ASPM: variants seen among roughly 807,000 people sequenced by gnomAD.
The protein encoded by ASPM is assembly factor for spindle microtubules, also known as abnormal spindle-like microcephaly-associated protein.
A neutral mutation model predicts 366.4 loss-of-function variants in ASPM; 256 were observed. The observed-to-expected ratio is 0.70, with a 90% CI of 0.63 to 0.77. The LOEUF is 0.77. ASPM is among the 30% of genes least tolerant of loss of function. ASPM has a pLI of 0.00. For synonymous variants in ASPM, 1,414 were observed against 1,342.9 expected (o/e 1.05, Z -1.16); for missense variants, 4,146 against 4,090.4 (o/e 1.01, Z -0.37).
rs772515561 is a variant in ASPM at position 197,104,699 on chromosome 1, G to A, written c.4552C>T (p.Gln1518Ter). The A allele has an allele frequency of 6.2e-7, 1 of 1,612,832 alleles. No homozygotes were observed. Among genetic ancestry groups the A allele is most frequent in the Non-Finnish European group, 8.5e-7 (1 of 1,179,298 alleles). Residue 1518 changes from glutamine to a stop codon, truncating the protein, a stop_gained, in exon 18 of 28, where the codon CAG becomes TAG. Coordinates refer to ENST00000367409, the MANE Select transcript of ASPM (RefSeq NM_018136.5). LOFTEE classifies it high-confidence loss of function. ...TTCAGATATGCTTTGTAGTACTTCT[G>A]GATGGTTAGTATGGACTCTTTTCTT... ...KRRKESILTIQKYYKAYLKGK... is the reference protein window; with the variant it reads ...KRRKESILTI
At position 197,125,108 on chromosome 1, in the gene ASPM, T is replaced by C; in HGVS notation, c.3020A>G (p.His1007Arg). The C allele has an allele frequency of 6.2e-7, 1 of 1,614,080 alleles. No homozygotes were observed. Among genetic ancestry groups the C allele is most frequent in the Non-Finnish European group, 8.5e-7 (1 of 1,179,958 alleles). Residue 1007 changes from histidine (H) to arginine (R), a missense_variant, in exon 11 of 28, where the codon CAC (histidine) becomes CGC (arginine). His to Arg is a conservative substitution (Grantham distance 29). Transcript: ENST00000367409. Reference protein sequence around the residue: ...IPAISRLQKMHNVDIVLQVLK... With the variant: ...IPAISRLQKMRNVDIVLQVLK... The stretch of plus-strand genomic sequence containing the variant: ...AACTTGAAGAACAATGTCAACATTG[T>C]GCATCTTTTGAAGACGACTTATTGC...
chr1:197,093,170 A>G lies in ASPM; in HGVS notation c.9176T>C (p.Ile3059Thr), dbSNP rs759052633. The G allele has an allele frequency of 2.5e-6, 4 of 1,612,432 alleles. 1 individual carries two copies. In the Admixed American group the frequency reaches 6.7e-5, roughly 27 times the overall value. The change falls in exon 21 of 28, where the codon ATA becomes ACA. Residue 3059 changes from isoleucine (I) to threonine (T), a missense_variant. Coordinates refer to ENST00000367409, the MANE Select transcript of ASPM (RefSeq NM_018136.5). ...FLRQKSAALI[I>T]QKYIRAREAG... ...CTCCCTGGCTCGTATATATTTTTGT[A>G]TGATCAAAGCAGCAGATTTCTGCCG...
chr1:197,099,374 A>G (rs559424340), intron 18 of ASPM, among the ~76,000 whole-genome samples: 6 of 151,688 alleles, frequency 4.0e-5, no homozygotes, highest in East Asian at 1.9e-4. Context: ...ACCTGGTCCC[A>G]TATCACTTTT....
At chr1:197,134,337 G>C (rs537103001) in intron 5 of ASPM, among the ~76,000 whole-genome samples, 2 of 151,970 alleles carry the variant, frequency 1.3e-5, no homozygotes, top group Admixed American at 1.3e-4. Context: ...GCTTGAGCCT[G>C]GGAAGTGGAG....
chr1:197,128,364 AT>A (rs1195520105), intron 10 of ASPM, 125 bp downstream of exon 10: 3 of 995,968 alleles, frequency 3.0e-6, no homozygotes, highest in Non-Finnish European at 4.5e-6. Context: ...AAAAACCTCA[AT>A]TTTTTTCAGT....
Position 197,093,195 on chromosome 1 carries a change from GAAGA to G in ASPM, c.9147_9150del (p.Leu3050GlyfsTer7). 1 of 1,612,530 alleles carries G rather than the reference GAAGA, an allele frequency of 6.2e-7. No individual in the cohort carries two copies. Among genetic ancestry groups the G allele is most frequent in the Non-Finnish European group, 8.5e-7 (1 of 1,178,974 alleles). The stretch of plus-strand genomic sequence containing the variant: ...ATGATCAAAGCAGCAGATTTCTGCC[GAAGA>G]AAGACCTGCCTTCCTTTATATCCTC... On this transcript the variant is annotated frameshift_variant, in exon 21 of 28. Transcript: ENST00000367409. LOFTEE classifies it high-confidence loss of function.
chr1:197,098,685 A>C (rs914269624), intron 18 of ASPM, among the ~76,000 whole-genome samples: 1 of 150,512 alleles, frequency 6.6e-6, no homozygotes, highest in Admixed American at 6.6e-5. Context: ...CCCTCTTAAC[A>C]CCTTGTTGGC....
rs1657985182 is a variant in ASPM, at chr1:197,123,608, TTC to T, written c.3390+500_3390+501del. Reference sequence around the variant, plus strand: ...AGCTATACATACTGTGTATCACTGTTTCTGTCTTATATTTATTACCAGATAGT... The same window carrying T: ...AGCTATACATACTGTGTATCACTGTTTGTCTTATATTTATTACCAGATAGT... On this transcript the variant is annotated intron_variant, in intron 13 of 27. Coordinates refer to ENST00000367409, the MANE Select transcript of ASPM (RefSeq NM_018136.5). 2.0e-5 allele frequency among the ~76,000 whole-genome samples: 3 copies of T among 152,284 alleles called. No homozygotes were observed. In the South Asian group the frequency reaches 6.2e-4, roughly 32 times the overall value.
rs779132724 is a variant in ASPM, at chr1:197,143,275, T to G, written c.977A>C (p.His326Pro). The change falls in exon 3 of 28, where the codon CAT becomes CCT. Residue 326 changes from histidine to proline, a missense_variant. His to Pro is a moderately conservative substitution (Grantham distance 77, BLOSUM62 -2). Coordinates refer to ENST00000367409, the MANE Select transcript of ASPM (RefSeq NM_018136.5). Reference sequence around the variant, plus strand: ...TAATTCTAGTTCATTATTAGCTCCATGACTATTATTTACAAAAGAATCTGG... The same window carrying G: ...TAATTCTAGTTCATTATTAGCTCCAGGACTATTATTTACAAAAGAATCTGG... ...LSPDSFVNNS[H>P]GANNELELVT... 22 of 1,613,076 alleles carry G rather than the reference T, an allele frequency of 1.4e-5. No individual in the cohort carries two copies. The highest frequency in any genetic ancestry group is 8.3e-5 in the Admixed American group (5 of 59,990).
Position 197,084,431 on chromosome 1 carries a change from TAA to T in ASPM, c.10332-7_10332-6del, listed in dbSNP as rs200839523. The T allele has an allele frequency of 2.0e-3, 2,830 of 1,395,786 alleles. No individual in the cohort carries two copies. Among genetic ancestry groups the T allele is most frequent in the Non-Finnish European group, 2.2e-3 (2,223 of 1,008,018 alleles). The allele number at this position is 1,395,786 out of a possible 1,614,324, so 86.5% of individuals were successfully genotyped here. A position where few individuals can be genotyped will look rare whatever the true frequency, so the allele number is the denominator to read the frequency against. On this transcript the variant is annotated splice_polypyrimidine_tract_variant and splice_region_variant and intron_variant, in intron 27 of 27. Coordinates refer to ENST00000367409, the MANE Select transcript of ASPM (RefSeq NM_018136.5). The stretch of plus-strand genomic sequence containing the variant: ...AAAACCCAATCTGGCTTAAGTCTGT[TAA>T]AAAAAAAAAAAAAGTCTGGCATTAA...
At position 197,084,364 on chromosome 1, in the gene ASPM, G is replaced by C. The variant is rs748079523; in HGVS notation, c.10394C>G (p.Ala3465Gly). The C allele has an allele frequency of 6.2e-7, 1 of 1,612,328 alleles. No individual in the cohort carries two copies. Among genetic ancestry groups the C allele is most frequent in the East Asian group, 2.2e-5 (1 of 44,782 alleles). Residue 3465 changes from alanine (A) to glycine (G), a missense_variant, in exon 28 of 28, where the codon GCT (alanine) becomes GGT (glycine). Coordinates refer to ENST00000367409, the MANE Select transcript of ASPM (RefSeq NM_018136.5). Reference protein sequence around the residue: ...NMEEITNPLQAIQMVMDTLGI... With the variant: ...NMEEITNPLQGIQMVMDTLGI... ...AAGCGTATCCATCACCATTTGAATA[G>C]CTTGCAGGGGATTTGTGATTTCTTC...
intron 1 of ASPM, among the ~76,000 whole-genome samples, chr1:197,145,293 G>T (rs1474457072): frequency 1.3e-5 from 2 of 152,142 alleles, no homozygotes; most frequent in Non-Finnish European, 2.9e-5. Context: ...AAGGGGATTG[G>T]AGCATTACTC....
At chr1:197,119,721 T>C (rs1571613120) in intron 16 of ASPM, among the ~76,000 whole-genome samples, 2 of 152,152 alleles carry the variant, frequency 1.3e-5, no homozygotes, top group East Asian at 3.8e-4. Context: ...ATTCTAGGAC[T>C]TCTTTTGCTT....
At position 197,143,147 on chromosome 1, in the gene ASPM, C is replaced by A; in HGVS notation, c.1105G>T (p.Asp369Tyr). Reference sequence around the variant, plus strand: ...CCATAATTATCTTTTATGAAAGAATCTGGACTTAAAATTTTCTGATAAATT... The same window carrying A: ...CCATAATTATCTTTTATGAAAGAATATGGACTTAAAATTTTCTGATAAATT... ...HEIYQKILSP[D>Y]SFIKDNYGLN... Residue 369 changes from aspartate (D) to tyrosine (Y), a missense_variant, in exon 3 of 28, where the codon GAT becomes TAT. By Grantham distance (160) the Asp-to-Tyr change is radical (BLOSUM62 -3). Around this residue, in one of 3 missense-constraint regions of ASPM, gnomAD observed 512 missense variants for 471.7 expected, o/e 1.09. Transcript: ENST00000367409. The A allele has an allele frequency of 1.2e-6, 2 of 1,613,188 alleles. No homozygotes were observed. Among genetic ancestry groups the A allele is most frequent in the Non-Finnish European group, 1.7e-6 (2 of 1,179,344 alleles).
intron 1 of ASPM, among the ~76,000 whole-genome samples, chr1:197,145,876 C>A (rs1474872251): frequency 6.8e-6 from 1 of 147,880 alleles, no homozygotes; most frequent in Non-Finnish European, 1.5e-5. Context: ...ATAATATTGA[C>A]ACATATATAT....
intron 19 of ASPM, among the ~76,000 whole-genome samples, chr1:197,095,582 G>A (rs912307227): frequency 9.9e-5 from 15 of 151,608 alleles, no homozygotes; most frequent in African/African-American, 3.6e-4. Flanking sequence ...AAGAGTATGA[G>A]GAATAATACA....
In ASPM at chr1:197,100,768, A is replaced by G. The variant is rs886043946; in HGVS notation, c.8483T>C (p.Met2828Thr). Reference protein sequence around the residue: ...AVTIQKAFCRMVTRKLETQKC... With the variant: ...AVTIQKAFCRTVTRKLETQKC... Reference sequence around the variant, plus strand: ...CTGTGTTTCCAGTTTTCTTGTGACCATTCTACAAAAAGCTTTTTGAATTGT... The same window carrying G: ...CTGTGTTTCCAGTTTTCTTGTGACCGTTCTACAAAAAGCTTTTTGAATTGT... Residue 2828 changes from methionine (M) to threonine (T), a missense_variant, in exon 18 of 28, where the codon ATG becomes ACG. By Grantham distance (81) the Met-to-Thr change is moderately conservative. Transcript: ENST00000367409. 1 of 1,612,446 alleles carries G rather than the reference A, an allele frequency of 6.2e-7. No individual in the cohort carries two copies. The highest frequency in any genetic ancestry group is 1.7e-5 in the Admixed American group (1 of 59,746).
chr1:197,125,031 C>G lies in ASPM; in HGVS notation c.3082+15G>C. The G allele has an allele frequency of 1.2e-6, 2 of 1,613,396 alleles. No individual in the cohort carries two copies. The highest frequency in any genetic ancestry group is 1.7e-6 in the Non-Finnish European group (2 of 1,179,456). On this transcript the variant is annotated intron_variant, in intron 11 of 27. Coordinates refer to ENST00000367409, the MANE Select transcript of ASPM (RefSeq NM_018136.5). ...TCAGTGAGGAGAATAAGTTTTACCT[C>G]TACTCAGTTTTTACCATGCTCATCA... is the stretch of plus-strand genomic sequence containing the variant.
chr1:197,102,707 C>G lies in ASPM; in HGVS notation c.6544G>C (p.Val2182Leu), dbSNP rs1657238192. ...VLQASFRGVR[V>L]RRTLRKMQTA... ...TGCATCTTTCTAAGAGTCCGTCTAA[C>G]TCTTACTCCTCTAAAACTTGCCTGA... is the stretch of plus-strand genomic sequence containing the variant. Residue 2182 changes from valine to leucine, a missense_variant, in exon 18 of 28, where the codon GTT (valine) becomes CTT (leucine). Coordinates refer to ENST00000367409, the MANE Select transcript of ASPM (RefSeq NM_018136.5). 1 of 1,612,686 alleles carries G rather than the reference C, an allele frequency of 6.2e-7. No homozygotes were observed. Among genetic ancestry groups the G allele is most frequent in the Non-Finnish European group, 8.5e-7 (1 of 1,179,264 alleles).
Sources: allele counts gnomAD v4.1 joint callset (sites outside exome capture counted in the v4.1 genomes callset), GRCh38; gene constraint gnomAD v4.1.1; regional missense constraint gnomAD v4.1.1; transcripts MANE v1.5; gene names NCBI Gene and HGNC (gene_info 2026-07-23, HGNC 2026-07-21).